Variants in KCNS1 observed in about 807,000 individuals in gnomAD.
KCNS1 encodes the protein potassium voltage-gated channel modifier subfamily S member 1, also known as delayed-rectifier potassium channel regulatory subunit KCNS1.
KCNS1 carries 26 observed loss-of-function variants against 33.1 expected under a neutral mutation model. The ratio of observed to expected loss-of-function variants is 0.79; its 90% CI spans 0.58 to 1.09. The LOEUF is 1.09. Among genes scored for constraint, KCNS1 ranks in the 50% least tolerant of loss-of-function variants. The pLI is 0.00. For synonymous variants in KCNS1, 299 were observed against 338.8 expected, an observed-to-expected ratio of 0.88 and a Z score of 1.29; for missense variants, 702 against 752.4, an observed-to-expected ratio of 0.93 and a Z score of 0.78.
Position 45,098,307 on chromosome 20 carries a change from G to T in KCNS1, c.465C>A (p.Arg155=). ...GCTGGGTCAGCCGCCTCTCCAGGTA[G>T]CGCGCGCGGCAGCACGCGGCAAGCG... is the stretch of plus-strand genomic sequence containing the variant. The part of the protein sequence containing the change: ...ENALAACCRA[R]YLERRLTQPH... The change falls in exon 3 of 4, where the codon CGC becomes CGA. Residue 155 remains arginine (R), a synonymous_variant. Coordinates refer to ENST00000537075, the MANE Select transcript of KCNS1 (RefSeq NM_001322799.2). This position sits in a 1 kb window ranked among gnomAD's most constrained non-coding sequence, Gnocchi z 5.2. 1 of 1,576,486 alleles carries T rather than the reference G, an allele frequency of 6.3e-7. No homozygotes were observed. The highest frequency in any genetic ancestry group is 8.6e-7 in the Non-Finnish European group (1 of 1,163,388).
chr20:45,099,869 T>G (rs1219708183), intron 1 of KCNS1, among the ~76,000 whole-genome samples: 1 of 152,156 alleles, frequency 6.6e-6, no homozygotes, highest in African/African-American at 2.4e-5. Flanking sequence ...GGCAATCTCA[T>G]TTGCACTGTG....
At chr20:45,096,823 A>G (rs992176841) in intron 3 of KCNS1, among the ~76,000 whole-genome samples, 3 of 152,206 alleles carry the variant, frequency 2.0e-5, no homozygotes, top group African/African-American at 7.2e-5. Context: ...CCAAGACTTC[A>G]TGACCCTTCG....
intron 2 of KCNS1, 102 bp downstream of exon 2, chr20:45,099,059 G>T: frequency 1.5e-6 from 2 of 1,349,138 alleles, no homozygotes; most frequent in East Asian, 2.5e-5. Flanking sequence ...CCTTTTCCAG[G>T]ACAAACTTGG....
rs748006971 is a variant in KCNS1 at position 45,098,148 on chromosome 20, C to T, written c.624G>A (p.Leu208=). The T allele has an allele frequency of 8.0e-5, 129 of 1,607,212 alleles. 5 individuals are homozygous for T. In the South Asian group the frequency reaches 1.4e-3, roughly 17 times the overall value. ...RCGRLRRRLW[L]TMENPGYSLP... ...GCGAGTAGCCCGGGTTCTCCATGGT[C>T]AGCCAGAGGCGGCGGCGCAGGCGGC... Residue 208 remains leucine, a synonymous_variant, in exon 3 of 4, where the codon CTG becomes CTA. Coordinates refer to ENST00000537075, the MANE Select transcript of KCNS1 (RefSeq NM_001322799.2). This position sits in a 1 kb window ranked among gnomAD's most constrained non-coding sequence, Gnocchi z 5.2.
Position 45,098,069 on chromosome 20 carries a change from C to T in KCNS1, c.703G>A (p.Ala235Thr). The change falls in exon 3 of 4, where the codon GCC becomes ACC. Residue 235 changes from alanine to threonine, a missense_variant. This residue lies in a region of KCNS1 where 253 missense variants were observed against 327.4 expected (regional missense o/e 0.77). Transcript: ENST00000537075. This position sits in a 1 kb window ranked among gnomAD's most constrained non-coding sequence, Gnocchi z 5.2. ...VSISVVLASI[A>T]AMCIHSLPEY... ...GGCAGGCTGTGGATGCACATGGCGGCGATGGAGGCGAGCACCACGCTGATG... is the reference window on the plus strand; with the variant it reads ...GGCAGGCTGTGGATGCACATGGCGGTGATGGAGGCGAGCACCACGCTGATG... 6.4e-7 allele frequency: 1 copy of T among 1,551,642 alleles called. No individual in the cohort carries two copies. Among genetic ancestry groups the T allele is most frequent in the Non-Finnish European group, 8.7e-7 (1 of 1,148,756 alleles).
In KCNS1 at chr20:45,093,432, C is replaced by T. The variant is rs1317070094; in HGVS notation, c.*1438G>A. 1 of 152,288 alleles carries T rather than the reference C, an allele frequency of 6.6e-6. No individual in the cohort carries two copies. The highest frequency in any genetic ancestry group is 1.9e-4 in the East Asian group (1 of 5,180). The allele number at this position is 152,288 out of a possible 1,614,324, so 9.4% of individuals were successfully genotyped here. On this transcript the variant is annotated 3_prime_UTR_variant, in exon 4 of 4. Transcript: ENST00000537075. Reference sequence around the variant, plus strand: ...CCCTCTGAGCTTGGCACCCAGTGGGCTGTAGGAATTGGTTGATCTATTCAA... The same window carrying T: ...CCCTCTGAGCTTGGCACCCAGTGGGTTGTAGGAATTGGTTGATCTATTCAA...
Position 45,098,712 on chromosome 20 carries a change from G to A in KCNS1, c.77-17C>T. On this transcript the variant is annotated splice_polypyrimidine_tract_variant and intron_variant, in intron 2 of 3. Coordinates refer to ENST00000537075, the MANE Select transcript of KCNS1 (RefSeq NM_001322799.2). This position sits in a 1 kb window ranked among gnomAD's most constrained non-coding sequence, Gnocchi z 5.2. The stretch of plus-strand genomic sequence containing the variant: ...TGCTCCTCCCTGCGGACACCAGAAG[G>A]GCGCGCTGAGGAGTTCCCGGGCTTC... 7.3e-7 allele frequency: 1 copy of A among 1,375,908 alleles called. No homozygotes were observed. 85.2% of individuals were successfully genotyped at this position (1,375,908 alleles called of 1,614,324 possible).
chr20:45,100,558 A>G (rs1981358386), intron 1 of KCNS1, among the ~76,000 whole-genome samples: 1 of 152,218 alleles, frequency 6.6e-6, no homozygotes. Flanking sequence ...AAAATCACCC[A>G]GCTAGTCCAT....
chr20:45,098,213 C>A lies in KCNS1; in HGVS notation c.559G>T (p.Val187Leu), dbSNP rs1327655002. 6.2e-7 allele frequency: 1 copy of A among 1,604,912 alleles called. No individual in the cohort carries two copies. The highest frequency in any genetic ancestry group is 8.5e-7 in the Non-Finnish European group (1 of 1,176,486). Residue 187 changes from valine (V) to leucine (L), a missense_variant, in exon 3 of 4, where the codon GTG becomes TTG. Coordinates refer to ENST00000537075, the MANE Select transcript of KCNS1 (RefSeq NM_001322799.2). The surrounding 1 kb of genome is among the most constrained non-coding windows in gnomAD (Gnocchi z 5.2). ...VDPCPDEISDVQRELARYGAA... is the reference protein window; with the variant it reads ...VDPCPDEISDLQRELARYGAA... ...CCATAGCGCGCCAGTTCTCGCTGCACGTCGGAGATCTCGTCGGGGCACGGG... is the reference window on the plus strand; with the variant it reads ...CCATAGCGCGCCAGTTCTCGCTGCAAGTCGGAGATCTCGTCGGGGCACGGG...
intron 1 of KCNS1, chr20:45,100,334 C>A (rs1981351930): frequency 6.6e-6 from 1 of 152,102 alleles, no homozygotes; most frequent in Non-Finnish European, 1.5e-5. Context: ...TGATGTAGCT[C>A]CGCTCCCACC....
intron 3 of KCNS1, 78 bp downstream of exon 3, chr20:45,097,584 G>T: frequency 7.1e-7 from 1 of 1,400,580 alleles, no homozygotes; most frequent in Non-Finnish European, 9.6e-7. Context: ...GACTCGGCAG[G>T]CTTGTAAGTT....
chr20:45,096,833 G>A lies in KCNS1; in HGVS notation c.1110+829C>T, dbSNP rs114994527. On this transcript the variant is annotated intron_variant, in intron 3 of 3. Transcript: ENST00000537075. ...ATGTGCCAAGACTTCATGACCCTTCGGTGCCCTGCCCCGCTCGACTCTTCA... is the reference window on the plus strand; with the variant it reads ...ATGTGCCAAGACTTCATGACCCTTCAGTGCCCTGCCCCGCTCGACTCTTCA... 2.5e-3 allele frequency among the ~76,000 whole-genome samples: 376 copies of A among 152,272 alleles called. 2 individuals are homozygous for A. The highest frequency in any genetic ancestry group is 8.6e-3 in the African/African-American group (357 of 41,540).
In KCNS1 at chr20:45,094,855, C is replaced by A; in HGVS notation, c.*15G>T. 1 of 1,589,302 alleles carries A rather than the reference C, an allele frequency of 6.3e-7. No individual in the cohort carries two copies. The highest frequency in any genetic ancestry group is 8.6e-7 in the Non-Finnish European group (1 of 1,164,570). ...CTACTGTAGGGGCATGGCAGGGGGTCACGGATCCCTGGTTTTAATACATCT... is the reference window on the plus strand; with the variant it reads ...CTACTGTAGGGGCATGGCAGGGGGTAACGGATCCCTGGTTTTAATACATCT... On this transcript the variant is annotated 3_prime_UTR_variant, in exon 4 of 4. Coordinates refer to ENST00000537075, the MANE Select transcript of KCNS1 (RefSeq NM_001322799.2).
Position 45,098,613 on chromosome 20 carries a change from G to T in KCNS1, c.159C>A (p.Arg53=). 1 of 1,462,862 alleles carries T rather than the reference G, an allele frequency of 6.8e-7. No homozygotes were observed. Among genetic ancestry groups the T allele is most frequent in the Non-Finnish European group, 9.0e-7 (1 of 1,107,896 alleles). 90.6% of individuals were successfully genotyped at this position (1,462,862 alleles called of 1,614,324 possible). ...GCCGCCGCACGCCACCCACGTTCAC[G>T]CGCAGCGCCTCGTCGCTTCGCCGCC... is the stretch of plus-strand genomic sequence containing the variant. ...IRWRRSDEAL[R]VNVGGVRRQL... is the part of the protein sequence containing the mutation. Residue 53 remains arginine (R), a synonymous_variant, in exon 3 of 4, where the codon CGC becomes CGA. Transcript: ENST00000537075. This position sits in a 1 kb window ranked among gnomAD's most constrained non-coding sequence, Gnocchi z 5.2.
rs755204252 is a variant in KCNS1 at position 45,095,203 on chromosome 20, T to C, written c.1248A>G (p.Thr416=). 4.3e-6 allele frequency: 7 copies of C among 1,614,060 alleles called. No homozygotes were observed. The Admixed American group carries it at 1.0e-4, about 23-fold the overall frequency. Residue 416 remains threonine (T), a synonymous_variant, in exon 4 of 4, where the codon ACA becomes ACG. Coordinates refer to ENST00000537075, the MANE Select transcript of KCNS1 (RefSeq NM_001322799.2). ...NTIPACWWWG[T]VSMTTVGYGD... The stretch of plus-strand genomic sequence containing the variant: ...CATAGCCCACGGTGGTCATGCTCAC[T>C]GTGCCCCACCACCAGCAGGCTGGGA...
Position 45,095,011 on chromosome 20 carries a change from T to C in KCNS1, c.1440A>G (p.Gln480=), listed in dbSNP as rs201155637. ...TGCTGCTCAGCAAGTCCTCAAACTC[T>C]TGGTGGTTGCTGTTGCGCACGGCTG... is the stretch of plus-strand genomic sequence containing the variant. ...LEAAVRNSNH[Q]EFEDLLSSID... Residue 480 remains glutamine, a synonymous_variant, in exon 4 of 4, where the codon CAA becomes CAG. Transcript: ENST00000537075. The C allele has an allele frequency of 6.2e-6, 10 of 1,613,706 alleles. No individual in the cohort carries two copies. The highest frequency in any genetic ancestry group is 2.7e-5 in the African/African-American group (2 of 74,880).
At chr20:45,099,022 C>T in intron 2 of KCNS1, 139 bp downstream of exon 2, 1 of 865,174 alleles carries the variant, frequency 1.2e-6, no homozygotes. Context: ...TGTCCTGGCA[C>T]CTAGTGGGTG....
chr20:45,095,506 A>C (rs778505839), intron 3 of KCNS1, among the ~76,000 whole-genome samples, 166 bp from the exon 4 acceptor site: 10 of 152,206 alleles, frequency 6.6e-5, no homozygotes, highest in African/African-American at 2.4e-5. Context: ...AAGACCTTTC[A>C]ACTACAGTTG....
rs1191198014 is a variant in KCNS1, at chr20:45,101,050, T to G, written c.-133A>C. ...AGCCTCCTGCTGCAGGCGGCCCCGC[T>G]GCCCTCTCCTTCCTTCTTCCTTGCC... On this transcript the variant is annotated 5_prime_UTR_variant, in exon 1 of 4. Transcript: ENST00000537075. The G allele has an allele frequency of 1.3e-5, 2 of 152,780 alleles. No homozygotes were observed. Among genetic ancestry groups the G allele is most frequent in the Non-Finnish European group, 2.9e-5 (2 of 68,506 alleles). 9.5% of individuals were successfully genotyped at this position (152,780 alleles called of 1,614,324 possible). A position where few individuals can be genotyped will look rare whatever the true frequency, so the allele number is the denominator to read the frequency against.
Sources: allele counts gnomAD v4.1 joint callset (sites outside exome capture counted in the v4.1 genomes callset), GRCh38; gene constraint gnomAD v4.1.1; regional missense constraint gnomAD v4.1.1; non-coding constraint Gnocchi (gnomAD v3.1); transcripts MANE v1.5; gene names NCBI Gene and HGNC (gene_info 2026-07-23, HGNC 2026-07-21).